Variants in PIP5K1B observed in about 807,000 individuals in gnomAD.
PIP5K1B encodes phosphatidylinositol 4-phosphate 5-kinase type-1 beta.
PIP5K1B carries 42 observed loss-of-function variants against 67.0 expected under a neutral mutation model. That is an observed-to-expected ratio of 0.63 (90% CI 0.49 to 0.81). PIP5K1B has a LOEUF of 0.81. Ranked by LOEUF, PIP5K1B falls within the 30% of genes least tolerant of loss-of-function variation. The pLI is 0.00. For missense variants in PIP5K1B, 459 were observed against 646.3 expected, an observed-to-expected ratio of 0.71 and a Z score of 3.14; for synonymous variants, 214 against 231.4, an observed-to-expected ratio of 0.92 and a Z score of 0.68.
At chr9:68,882,917 A>G (rs901759399) in intron 6 of PIP5K1B, among the ~76,000 whole-genome samples, 9 of 152,182 alleles carry the variant, frequency 5.9e-5, no homozygotes, top group Admixed American at 5.9e-4. Flanking sequence ...CATGGGCAGT[A>G]GGCTGAGAAC....
chr9:68,843,326 A>T (rs1822013649), intron 4 of PIP5K1B: 1 of 152,244 alleles, frequency 6.6e-6, no homozygotes, highest in South Asian at 2.1e-4. Flanking sequence ...GGAGGCTGCT[A>T]GAGCCTTCCC....
intron 2 of PIP5K1B, chr9:68,780,003 T>C: frequency 1.1e-6 from 1 of 936,994 alleles, no homozygotes; most frequent in Non-Finnish European, 1.5e-6. Context: ...GCGCCGCGAG[T>C]ACGGACATCG....
chr9:68,712,763 A>C (rs1271289440), intron 1 of PIP5K1B, among the ~76,000 whole-genome samples: 2 of 152,250 alleles, frequency 1.3e-5, no homozygotes, highest in African/African-American at 2.4e-5. Flanking sequence ...TTAAGAAAAC[A>C]CTGTCTCTAT....
At chr9:68,815,526 T>A (rs1329916331) in intron 2 of PIP5K1B, among the ~76,000 whole-genome samples, 1 of 152,112 alleles carries the variant, frequency 6.6e-6, no homozygotes, top group South Asian at 2.1e-4. Flanking sequence ...GACAATGTTA[T>A]GTTCAGGTTT....
intron 15 of PIP5K1B, among the ~76,000 whole-genome samples, chr9:68,994,978 T>C (rs908211857): frequency 2.0e-4 from 20 of 98,110 alleles, no homozygotes; most frequent in Non-Finnish European, 3.5e-4. Flanking sequence ...TCTACAAAAA[T>C]TAAAAAAAAA....
At chr9:68,713,365 C>G (rs532425765) in intron 1 of PIP5K1B, among the ~76,000 whole-genome samples, 1 of 152,182 alleles carries the variant, frequency 6.6e-6, no homozygotes, top group Admixed American at 6.5e-5. Context: ...CACCATTGCA[C>G]TCCAGCCTGG....
chr9:68,870,808 G>A (rs1823590501), intron 5 of PIP5K1B, among the ~76,000 whole-genome samples: 1 of 152,178 alleles, frequency 6.6e-6, no homozygotes, highest in African/African-American at 2.4e-5. Context: ...ATCCTTTAGC[G>A]ACACTGACCA....
intron 2 of PIP5K1B, among the ~76,000 whole-genome samples, chr9:68,794,406 CTTTCTTTCTTTCT>C (rs956178146): frequency 1.5e-4 from 23 of 151,844 alleles, no homozygotes; most frequent in Admixed American, 7.9e-4. Context: ...TTCTTTCTTT[CTTTCTTTCTTTCT>C]TTTCTTTCTT....
intron 14 of PIP5K1B, chr9:68,965,686 CG>C (rs1411522467): frequency 6.6e-6 from 1 of 152,098 alleles, no homozygotes; most frequent in East Asian, 1.9e-4. Context: ...GAAAAGGCAG[CG>C]GGGCGCAGCG....
intron 8 of PIP5K1B, among the ~76,000 whole-genome samples, chr9:68,915,940 A>G (rs769265527): frequency 1.3e-5 from 2 of 152,250 alleles, no homozygotes; most frequent in Non-Finnish European, 2.9e-5. Flanking sequence ...GGTGGCATCC[A>G]TGAAGTGGCA....
chr9:68,919,250 T>G (rs1243891089), intron 9 of PIP5K1B, among the ~76,000 whole-genome samples: 1 of 152,172 alleles, frequency 6.6e-6, no homozygotes, highest in East Asian at 1.9e-4. Context: ...ATTATTCTCC[T>G]TTGTAGGGAA....
intron 15 of PIP5K1B, among the ~76,000 whole-genome samples, chr9:69,005,242 GT>G (rs1221331751): frequency 4.6e-5 from 7 of 152,010 alleles, no homozygotes; most frequent in African/African-American, 4.8e-5. Flanking sequence ...GACCCTGTGT[GT>G]TTTTTTATTA....
chr9:68,952,814 C>CCTGT (rs1828153391), intron 14 of PIP5K1B, among the ~76,000 whole-genome samples: 1 of 151,470 alleles, frequency 6.6e-6, no homozygotes, highest in South Asian at 2.1e-4. Flanking sequence ...TGTCTGCCTG[C>CCTGT]CTGCCTGCCT....
At position 68,940,637 on chromosome 9, in the gene PIP5K1B, C is replaced by T. The variant is rs768936629; in HGVS notation, c.1358-9C>T. On this transcript the variant is annotated splice_polypyrimidine_tract_variant and intron_variant, in intron 13 of 15. Transcript: ENST00000265382. ...GATTCATGAATGTGTGTGTTGCTTT[C>T]GTTCCTAGCCCTGGGATCCCGACAC... 21 of 1,612,334 alleles carry T rather than the reference C, an allele frequency of 1.3e-5. No homozygotes were observed. Among genetic ancestry groups the T allele is most frequent in the Non-Finnish European group, 1.8e-5 (21 of 1,178,982 alleles).
rs1249790500 is a variant in PIP5K1B, at chr9:69,004,333, GTT to G, written c.1621-4110_1621-4109del. On this transcript the variant is annotated intron_variant, in intron 15 of 15. Coordinates refer to ENST00000265382, the MANE Select transcript of PIP5K1B (RefSeq NM_003558.4). ...CACCTTTGTGGGCGTGTGTGTGTGT[GTT>G]TTTGTGTGTGTGTGTGTGTGTGTGT... 5.1e-3 allele frequency among the ~76,000 whole-genome samples: 637 copies of G among 125,664 alleles called. 5 individuals are homozygous for G. Among genetic ancestry groups the G allele is most frequent in the African/African-American group, 0.015 (493 of 32,644 alleles). 82.4% of individuals were successfully genotyped at this position (125,664 alleles called of 152,430 possible).
chr9:69,000,059 G>A (rs1220058967), intron 15 of PIP5K1B, among the ~76,000 whole-genome samples: 4 of 152,122 alleles, frequency 2.6e-5, no homozygotes, highest in East Asian at 1.9e-4. Context: ...ACAATGTGGC[G>A]CAAAAATGAA....
At chr9:68,945,390 C>T (rs922475729) in intron 14 of PIP5K1B, among the ~76,000 whole-genome samples, 2 of 152,158 alleles carry the variant, frequency 1.3e-5, no homozygotes, top group Admixed American at 1.3e-4. Flanking sequence ...AAGTGATCCA[C>T]CCTGCTCAGC....
intron 2 of PIP5K1B, among the ~76,000 whole-genome samples, chr9:68,763,100 C>T (rs1193181623): frequency 6.6e-6 from 1 of 151,940 alleles, no homozygotes; most frequent in Non-Finnish European, 1.5e-5. Flanking sequence ...TTAGGATGGA[C>T]CGGGATATCT....
Position 68,916,440 on chromosome 9 carries a change from T to C in PIP5K1B, c.772-1108T>C, listed in dbSNP as rs1377127376. Among the ~76,000 whole-genome samples the C allele has an allele frequency of 2.0e-5, 3 of 152,198 alleles. No homozygotes were observed. The South Asian group carries it at 6.2e-4, about 32-fold the overall frequency. On this transcript the variant is annotated intron_variant, in intron 8 of 15. Transcript: ENST00000265382. The stretch of plus-strand genomic sequence containing the variant: ...TTTCAGAGCATTGCCATCTCTTTTG[T>C]CTGGCTGCATCCAACTATTTTTAAT...
Sources: gnomAD v4.1 joint callset for allele counts (sites outside exome capture counted in the v4.1 genomes callset) on GRCh38, gnomAD v4.1.1 for gene constraint, MANE v1.5 for transcripts, NCBI Gene and HGNC (gene_info 2026-07-23, HGNC 2026-07-21) for gene names.